The following FBXO38 variants were observed in gnomAD, a reference collection of about 807,000 sequenced individuals.
FBXO38 encodes F-box protein 38.
A neutral mutation model predicts 131.9 loss-of-function variants in FBXO38; 53 were observed. The ratio of observed to expected loss-of-function variants is 0.40; its 90% confidence interval spans 0.32 to 0.51. The LOEUF (loss-of-function observed/expected upper bound fraction) is 0.51, where lower values mean the gene tolerates loss of function less well. Ranked by LOEUF, FBXO38 falls within the 20% of genes least tolerant of loss-of-function variation. FBXO38 has a pLI of 0.53. For synonymous variants in FBXO38, 452 were observed against 505.6 expected (o/e 0.89, Z 1.42); for missense variants, 1,076 against 1,475.6 (o/e 0.73, Z 4.44).
chr5:148,435,915 CAG>C lies in FBXO38; in HGVS notation c.2857+2179_2857+2180del, dbSNP rs200312149. Among the ~76,000 whole-genome samples, 184 of 152,230 alleles carry C rather than the reference CAG, an allele frequency of 1.2e-3. 2 individuals carry two copies. In the East Asian group the frequency reaches 0.032, roughly 27 times the overall value. Reference sequence around the variant, plus strand: ...GGAGACCTGAGGAAAGGGAGAGAGACAGGGGAACAGCCTGTTGGGAGAGCAGT... The same window carrying C: ...GGAGACCTGAGGAAAGGGAGAGAGACGGGAACAGCCTGTTGGGAGAGCAGT... On this transcript the variant is annotated intron_variant, in intron 17 of 21. Transcript: ENST00000340253.
intron 9 of FBXO38, 146 bp downstream of exon 9, chr5:148,410,911 T>A: frequency 1.5e-6 from 1 of 681,006 alleles, no homozygotes; most frequent in Non-Finnish European, 2.3e-6. Context: ...AATAAACTTT[T>A]AAATTAGAAA....
chr5:148,409,767 C>A (rs1382369657), intron 8 of FBXO38, among the ~76,000 whole-genome samples: 1 of 152,138 alleles, frequency 6.6e-6, no homozygotes, highest in African/African-American at 2.4e-5. Flanking sequence ...TTTCTTTAAG[C>A]ATTTTTAAAA....
chr5:148,411,914 G>A (rs1752781468), intron 9 of FBXO38, among the ~76,000 whole-genome samples: 1 of 152,044 alleles, frequency 6.6e-6, no homozygotes, highest in Non-Finnish European at 1.5e-5. Context: ...TATTAGCTTT[G>A]AAATTGATAT....
chr5:148,440,784 A>G (rs1199873875), intron 20 of FBXO38, among the ~76,000 whole-genome samples: 1 of 152,208 alleles, frequency 6.6e-6, no homozygotes, highest in African/African-American at 2.4e-5. Flanking sequence ...AGAAAGTTGA[A>G]TAGCTATTAA....
chr5:148,424,463 T>C (rs951167352), intron 13 of FBXO38, among the ~76,000 whole-genome samples: 1 of 152,152 alleles, frequency 6.6e-6, no homozygotes, highest in Non-Finnish European at 1.5e-5. Flanking sequence ...TCAATTCAGT[T>C]AGAGAGGAGG....
chr5:148,427,160 T>G, intron 14 of FBXO38, 53 bp from the exon 15 acceptor site: 1 of 1,529,764 alleles, frequency 6.5e-7, no homozygotes, highest in Non-Finnish European at 8.8e-7. Flanking sequence ...TGTCCAGAAT[T>G]TATACTGAAA....
intron 3 of FBXO38, among the ~76,000 whole-genome samples, chr5:148,401,262 C>T: frequency 6.6e-6 from 1 of 152,164 alleles, no homozygotes; most frequent in East Asian, 1.9e-4. Context: ...ACCAACAGCT[C>T]CTGCTGTGGA....
chr5:148,415,786 A>G (rs957427085), intron 10 of FBXO38, 142 bp from the exon 11 acceptor site: 83 of 770,538 alleles, frequency 1.1e-4, no homozygotes, highest in Non-Finnish European at 1.5e-4. Context: ...ATTTAGAATC[A>G]TCGGGTTTTA....
Position 148,433,636 on chromosome 5 carries a change from T to C in FBXO38, c.2756T>C (p.Val919Ala), listed in dbSNP as rs1181480396. ...AGTTTCTAATTTTTCTGCTTGTAGG[T>C]TCTTGTATTAAAATCCAAGAATCTT... ...DPVIEDDHVQ[V>A]LVLKSKNLVG... Residue 919 changes from valine (V) to alanine (A), a missense_variant and splice_region_variant, in exon 17 of 22, where the codon GTT becomes GCT. Val to Ala is a moderately conservative substitution (Grantham distance 64, BLOSUM62 0). Coordinates refer to ENST00000340253, the MANE Select transcript of FBXO38 (RefSeq NM_205836.3). 6.3e-7 allele frequency: 1 copy of C among 1,595,016 alleles called. No individual in the cohort carries two copies. Among genetic ancestry groups the C allele is most frequent in the East Asian group, 2.2e-5 (1 of 44,762 alleles).
Position 148,416,075 on chromosome 5 carries a change from G to C in FBXO38, c.1407+5G>C. 1 of 1,533,966 alleles carries C rather than the reference G, an allele frequency of 6.5e-7. No individual in the cohort carries two copies. The highest frequency in any genetic ancestry group is 8.8e-7 in the Non-Finnish European group (1 of 1,139,390). ...ATGTTTCGTGAACCACCCAAGGTAAGATACATTTGAGGGAGTTTTTGTTTA... is the reference window on the plus strand; with the variant it reads ...ATGTTTCGTGAACCACCCAAGGTAACATACATTTGAGGGAGTTTTTGTTTA... On this transcript the variant is annotated splice_donor_5th_base_variant and intron_variant, in intron 11 of 21. Transcript: ENST00000340253.
At chr5:148,438,197 C>G in intron 17 of FBXO38, 135 bp from the exon 18 acceptor site, 2 of 690,854 alleles carry the variant, frequency 2.9e-6, no homozygotes, top group Non-Finnish European at 4.4e-6. Flanking sequence ...TTTTTGTTAA[C>G]TGTGATTTGT....
chr5:148,412,574 G>A (rs1465510044), intron 9 of FBXO38, among the ~76,000 whole-genome samples: 1 of 152,100 alleles, frequency 6.6e-6, no homozygotes, highest in Non-Finnish European at 1.5e-5. Flanking sequence ...AATACTGATA[G>A]AGACGTATAA....
At chr5:148,432,128 T>C (rs1192619046) in intron 15 of FBXO38, among the ~76,000 whole-genome samples, 1 of 152,198 alleles carries the variant, frequency 6.6e-6, no homozygotes, top group Admixed American at 6.5e-5. Context: ...CAATAGAATG[T>C]TTATAACTAG....
At chr5:148,429,251 G>A (rs544747536) in intron 15 of FBXO38, among the ~76,000 whole-genome samples, 9 of 151,914 alleles carry the variant, frequency 5.9e-5, no homozygotes, top group South Asian at 2.1e-4. Flanking sequence ...ATAAATGTGC[G>A]CATCTTCTTA....
chr5:148,395,277 G>A (rs1351149886), intron 2 of FBXO38, among the ~76,000 whole-genome samples: 1 of 151,994 alleles, frequency 6.6e-6, no homozygotes, highest in Non-Finnish European at 1.5e-5. Flanking sequence ...CACAATATAA[G>A]GCAGTGTTTC....
rs75973388 is a variant in FBXO38 at position 148,400,665 on chromosome 5, G to A, written c.263-1317G>A. ...TATATAATAGTACTTTATGGTTTAC[G>A]TATATGATCTCTTTGGATTCTCACT... On this transcript the variant is annotated intron_variant, in intron 3 of 21. Transcript: ENST00000340253. Among the ~76,000 whole-genome samples the A allele has an allele frequency of 9.4e-3, 1,429 of 152,134 alleles. 20 individuals carry two copies. The highest frequency in any genetic ancestry group is 0.03 in the African/African-American group (1,227 of 41,516).
intron 17 of FBXO38, 117 bp from the exon 18 acceptor site, chr5:148,438,212 TATG>T (rs1350075470): frequency 2.1e-5 from 18 of 842,784 alleles, no homozygotes; most frequent in Non-Finnish European, 3.2e-5. Context: ...ATTTGTACTC[TATG>T]ATATTATTTG....
rs1175962702 is a variant in FBXO38 at position 148,433,904 on chromosome 5, G to A, written c.2857+167G>A. 10 of 447,780 alleles carry A rather than the reference G, an allele frequency of 2.2e-5. No homozygotes were observed. The Admixed American group carries it at 4.0e-4, about 18-fold the overall frequency. 27.7% of individuals were successfully genotyped at this position (447,780 alleles called of 1,614,324 possible). ...CTAGTTCTCAAATTATTACTCCATA[G>A]TATTTCTGAGCATCATATATAGAAA... On this transcript the variant is annotated intron_variant, in intron 17 of 21. Transcript: ENST00000340253.
At chr5:148,413,304 C>T (rs1311415533) in intron 9 of FBXO38, 1 of 151,830 alleles carries the variant, frequency 6.6e-6, no homozygotes, top group Non-Finnish European at 1.5e-5. Context: ...AGTTGTAAAT[C>T]CCTGTGATAT....
Sources: gnomAD v4.1 joint callset for allele counts (sites outside exome capture counted in the v4.1 genomes callset) on GRCh38, gnomAD v4.1.1 for gene constraint, MANE v1.5 for transcripts, NCBI Gene and HGNC (gene_info 2026-07-23, HGNC 2026-07-21) for gene names.